TBC1D4: variants seen among roughly 807,000 people sequenced by gnomAD.
TBC1D4 encodes TBC (Tre-2, BUB2, CDC16) domain-containing protein.
A neutral mutation model predicts 142.5 loss-of-function variants in TBC1D4; 121 were observed. The ratio of observed to expected loss-of-function variants is 0.85; its 90% CI spans 0.73 to 0.99. The LOEUF (loss-of-function observed/expected upper bound fraction) is 0.99. Ranked by LOEUF, TBC1D4 falls within the 50% of genes least tolerant of loss-of-function variation. The pLI, the probability that TBC1D4 is intolerant of heterozygous loss-of-function variation, is 0.00. For missense variants in TBC1D4, 1,475 were observed against 1,606.6 expected, an observed-to-expected ratio of 0.92 and a Z score of 1.40; for synonymous variants, 630 against 628.2, an observed-to-expected ratio of 1.00 and a Z score of -0.04.
Position 75,314,646 on chromosome 13 carries a change from C to T in TBC1D4, c.2223-1748G>A, listed in dbSNP as rs191643359. Among the ~76,000 whole-genome samples the T allele has an allele frequency of 5.3e-5, 8 of 152,058 alleles. No individual in the cohort carries two copies. In the East Asian group the frequency reaches 1.5e-3, roughly 29 times the overall value. ...TATGCATCCTGGATAACACTATAAC[C>T]CTAATATGTGTCCATTGTTCAAAAC... On this transcript the variant is annotated intron_variant, in intron 12 of 20. Coordinates refer to ENST00000377636, the MANE Select transcript of TBC1D4 (RefSeq NM_014832.5).
At chr13:75,385,299 C>G (rs1218801797) in intron 1 of TBC1D4, among the ~76,000 whole-genome samples, 1 of 152,154 alleles carries the variant, frequency 6.6e-6, no homozygotes, top group South Asian at 2.1e-4. Context: ...TTACCTATCC[C>G]AAGCACAAGG....
chr13:75,461,791 A>G (rs1887979666), intron 1 of TBC1D4, among the ~76,000 whole-genome samples: 1 of 152,200 alleles, frequency 6.6e-6, no homozygotes, highest in Non-Finnish European at 1.5e-5. Flanking sequence ...TTTTCCCTTG[A>G]AACACTCTTC....
chr13:75,441,012 T>A (rs4331238), intron 1 of TBC1D4, among the ~76,000 whole-genome samples: 2 of 152,070 alleles, frequency 1.3e-5, no homozygotes, highest in Non-Finnish European at 2.9e-5. Context: ...ATTCCAACAC[T>A]TTGGGAGGCC....
intron 11 of TBC1D4, among the ~76,000 whole-genome samples, chr13:75,323,271 C>T (rs1878936557): frequency 6.6e-6 from 1 of 152,028 alleles, no homozygotes; most frequent in Admixed American, 6.6e-5. Context: ...CCCAAATATC[C>T]ATCAGCAAGA....
At chr13:75,391,297 CCTCCTAGATGCAGTTAAA>C (rs1205910167) in intron 1 of TBC1D4, among the ~76,000 whole-genome samples, 1 of 152,074 alleles carries the variant, frequency 6.6e-6, no homozygotes, top group East Asian at 1.9e-4. Context: ...CCAATTCTCT[CCTCCTAGATGCAGTTAAA>C]CTCCAAAAGA....
intron 5 of TBC1D4, 71 bp downstream of exon 5, chr13:75,349,099 C>T (rs1881395018): frequency 6.2e-7 from 1 of 1,606,462 alleles, no homozygotes; most frequent in South Asian, 1.1e-5. Flanking sequence ...TATTCAATGA[C>T]AATAGGGACT....
At chr13:75,478,611 T>G (rs894091270) in intron 1 of TBC1D4, among the ~76,000 whole-genome samples, 1 of 152,184 alleles carries the variant, frequency 6.6e-6, no homozygotes, top group Admixed American at 6.5e-5. Context: ...TTCCTTCTGA[T>G]TTCAAGGGTC....
chr13:75,406,273 G>A (rs559570871), intron 1 of TBC1D4, among the ~76,000 whole-genome samples: 1 of 152,240 alleles, frequency 6.6e-6, no homozygotes, highest in Admixed American at 6.5e-5. Flanking sequence ...AGTAAACACT[G>A]GATTCCTTAT....
At chr13:75,294,803 T>C in intron 18 of TBC1D4, 51 bp downstream of exon 18, 1 of 1,587,816 alleles carries the variant, frequency 6.3e-7, no homozygotes, top group Non-Finnish European at 8.6e-7. Flanking sequence ...AGTAGAAGTA[T>C]AGTCCTTGGA....
chr13:75,400,017 A>G (rs1424686693), intron 1 of TBC1D4, among the ~76,000 whole-genome samples: 1 of 152,220 alleles, frequency 6.6e-6, no homozygotes, highest in Admixed American at 6.5e-5. Flanking sequence ...CACCCAGTAA[A>G]GAAGCCATCC....
At chr13:75,374,767 A>AT (rs150050951) in intron 1 of TBC1D4, among the ~76,000 whole-genome samples, 2,461 of 151,350 alleles carry the variant, frequency 0.016, 63 homozygotes, top group African/African-American at 0.057. Context: ...CGCAGCCCTC[A>AT]TTTTTTTTTC....
At chr13:75,380,211 C>G (rs1031078210) in intron 1 of TBC1D4, among the ~76,000 whole-genome samples, 1 of 151,446 alleles carries the variant, frequency 6.6e-6, no homozygotes, top group African/African-American at 2.4e-5. Flanking sequence ...GGCAGACATG[C>G]CTGTAATCCC....
chr13:75,460,302 AT>A (rs1468062465), intron 1 of TBC1D4, among the ~76,000 whole-genome samples: 2 of 152,234 alleles, frequency 1.3e-5, no homozygotes, highest in Non-Finnish European at 2.9e-5. Flanking sequence ...AACTGCCTCA[AT>A]AAAGCCATAA....
At position 75,341,655 on chromosome 13, in the gene TBC1D4, A is replaced by C. The variant is rs540609183; in HGVS notation, c.1409-68T>G. On this transcript the variant is annotated intron_variant, in intron 5 of 20. Transcript: ENST00000377636. ...GCAGAGATCCAGGGGCAGAGAATGC[A>C]TTACACTTCACCTCTTCCCAAGCAG... 38 of 1,213,192 alleles carry C rather than the reference A, an allele frequency of 3.1e-5. No individual in the cohort carries two copies. The South Asian group carries it at 4.0e-4, about 13-fold the overall frequency. 75.2% of individuals were successfully genotyped at this position (1,213,192 alleles called of 1,614,324 possible).
At chr13:75,354,317 T>C (rs566690846) in intron 4 of TBC1D4, among the ~76,000 whole-genome samples, 1 of 152,166 alleles carries the variant, frequency 6.6e-6, no homozygotes, top group Admixed American at 6.5e-5. Context: ...TAACATAATG[T>C]AGAAAATGAA....
intron 1 of TBC1D4, among the ~76,000 whole-genome samples, chr13:75,469,375 G>A (rs939015657): frequency 6.6e-6 from 1 of 152,118 alleles, no homozygotes; most frequent in Non-Finnish European, 1.5e-5. Flanking sequence ...AGCAAGCTGA[G>A]AACAAGGAGA....
At chr13:75,412,156 T>A (rs1160553156) in intron 1 of TBC1D4, among the ~76,000 whole-genome samples, 5 of 152,190 alleles carry the variant, frequency 3.3e-5, no homozygotes, top group Non-Finnish European at 7.4e-5. Flanking sequence ...ACCCTCCCAA[T>A]TCACCCTAAT....
intron 1 of TBC1D4, among the ~76,000 whole-genome samples, chr13:75,444,061 G>A (rs1280291305): frequency 6.6e-6 from 1 of 152,022 alleles, no homozygotes; most frequent in Non-Finnish European, 1.5e-5. Flanking sequence ...AAAAGCTAAA[G>A]AACATACATT....
chr13:75,290,713 A>C (rs908879908), intron 19 of TBC1D4, among the ~76,000 whole-genome samples: 1 of 152,220 alleles, frequency 6.6e-6, no homozygotes, highest in Non-Finnish European at 1.5e-5. Flanking sequence ...TTCATATTAT[A>C]GTATGAATTA....
Sources: gnomAD v4.1 joint callset for allele counts (sites outside exome capture counted in the v4.1 genomes callset) on GRCh38, gnomAD v4.1.1 for gene constraint, MANE v1.5 for transcripts, NCBI Gene and HGNC (gene_info 2026-07-23, HGNC 2026-07-21) for gene names.